Variants in CCDC91 observed in about 807,000 individuals in gnomAD.
The protein encoded by CCDC91 is coiled-coil domain containing 91.
A neutral mutation model predicts 63.2 loss-of-function variants in CCDC91; 48 were observed. That is an observed-to-expected ratio of 0.76 (90% CI 0.60 to 0.97). The LOEUF (loss-of-function observed/expected upper bound fraction) is 0.97, where lower values mean the gene tolerates loss of function less well. Among genes scored for constraint, CCDC91 ranks in the 50% least tolerant of loss-of-function variants. CCDC91 has a pLI of 0.00. For synonymous variants in CCDC91, 167 were observed against 165.8 expected, an observed-to-expected ratio of 1.01 and a Z score of -0.06; for missense variants, 500 against 494.6, an observed-to-expected ratio of 1.01 and a Z score of -0.10.
At chr12:28,201,039 C>T (rs1376456325) in intron 1 of CCDC91, among the ~76,000 whole-genome samples, 2 of 145,252 alleles carry the variant, frequency 1.4e-5, no homozygotes, top group African/African-American at 5.1e-5. Flanking sequence ...GGGCGGCTGG[C>T]CGGGCAGAGG....
chr12:28,273,684 G>A (rs1165559965), intron 3 of CCDC91, among the ~76,000 whole-genome samples: 5 of 152,016 alleles, frequency 3.3e-5, no homozygotes, highest in African/African-American at 1.2e-4. Context: ...TTTTGATGGG[G>A]TTGTTTGTTT....
At chr12:28,450,575 A>G (rs1457285020) in intron 10 of CCDC91, among the ~76,000 whole-genome samples, 157 bp downstream of exon 10, 1 of 151,736 alleles carries the variant, frequency 6.6e-6, no homozygotes, top group African/African-American at 2.4e-5. Context: ...GACTACTTAT[A>G]TTCTTATTAA....
chr12:28,209,224 T>G (rs1943065576), intron 1 of CCDC91, among the ~76,000 whole-genome samples: 1 of 152,204 alleles, frequency 6.6e-6, no homozygotes, highest in Admixed American at 6.5e-5. Flanking sequence ...AACAAATCAA[T>G]TCAATCTTGG....
intron 6 of CCDC91, among the ~76,000 whole-genome samples, chr12:28,311,546 G>A (rs566521408): frequency 1.3e-5 from 2 of 152,034 alleles, no homozygotes; most frequent in Non-Finnish European, 2.9e-5. Context: ...TAAAAATAAA[G>A]GCGAAACTTG....
At chr12:28,419,907 G>A (rs575877633) in intron 8 of CCDC91, among the ~76,000 whole-genome samples, 1 of 151,852 alleles carries the variant, frequency 6.6e-6, no homozygotes, top group South Asian at 2.1e-4. Context: ...CAGGCACATG[G>A]CACCACACCT....
At chr12:28,355,009 T>C (rs1260167381) in intron 6 of CCDC91, among the ~76,000 whole-genome samples, 1 of 151,938 alleles carries the variant, frequency 6.6e-6, no homozygotes, top group Non-Finnish European at 1.5e-5. Flanking sequence ...CCTCTCCTTT[T>C]TTCCTCCTCT....
intron 3 of CCDC91, among the ~76,000 whole-genome samples, chr12:28,299,927 T>C (rs1341542630): frequency 6.6e-6 from 1 of 151,546 alleles, no homozygotes; most frequent in East Asian, 1.9e-4. Flanking sequence ...TACATATTAT[T>C]GTTTTCCCCA....
chr12:28,474,712 T>C (rs1434936224), intron 11 of CCDC91, among the ~76,000 whole-genome samples: 1 of 151,438 alleles, frequency 6.6e-6, no homozygotes, highest in African/African-American at 2.4e-5. Flanking sequence ...ACTCAAAAAG[T>C]AATGCCTGAA....
intron 11 of CCDC91, among the ~76,000 whole-genome samples, chr12:28,482,957 G>A (rs1325255802): frequency 1.3e-5 from 2 of 151,920 alleles, no homozygotes; most frequent in Non-Finnish European, 2.9e-5. Context: ...AATGTCTCCA[G>A]AAAATGTCCA....
chr12:28,484,676 G>A (rs1951626670), intron 12 of CCDC91, among the ~76,000 whole-genome samples: 1 of 151,852 alleles, frequency 6.6e-6, no homozygotes, highest in Non-Finnish European at 1.5e-5. Flanking sequence ...GAAAAAAATA[G>A]CATTTTCATA....
chr12:28,366,805 C>A (rs554278275), intron 7 of CCDC91, among the ~76,000 whole-genome samples: 10 of 152,138 alleles, frequency 6.6e-5, no homozygotes, highest in Admixed American at 6.5e-4. Flanking sequence ...TTGTGGGGAA[C>A]AATAATGTGG....
intron 8 of CCDC91, among the ~76,000 whole-genome samples, chr12:28,410,508 TTTTGTTTG>T (rs148780583): frequency 1.2e-4 from 19 of 152,092 alleles, no homozygotes; most frequent in Admixed American, 3.9e-4. Flanking sequence ...TGTATGTGTT[TTTTGTTTG>T]TTTGTTTGTT....
chr12:28,221,514 A>G (rs1485792375), intron 1 of CCDC91, among the ~76,000 whole-genome samples: 1 of 151,978 alleles, frequency 6.6e-6, no homozygotes, highest in Non-Finnish European at 1.5e-5. Flanking sequence ...ATAGTTTTGT[A>G]TTTTGTTCTG....
intron 3 of CCDC91, among the ~76,000 whole-genome samples, chr12:28,267,908 T>TA (rs1947429346): frequency 3.1e-5 from 3 of 95,792 alleles, no homozygotes; most frequent in South Asian, 2.7e-4. Flanking sequence ...ATAATTATAT[T>TA]ATATATAATT....
At chr12:28,382,003 T>A (rs940547180) in intron 7 of CCDC91, among the ~76,000 whole-genome samples, 12 of 152,096 alleles carry the variant, frequency 7.9e-5, no homozygotes, top group African/African-American at 2.9e-4. Flanking sequence ...TCACCCTTAA[T>A]GTAATCACAT....
At chr12:28,224,312 T>C (rs985913027) in intron 1 of CCDC91, among the ~76,000 whole-genome samples, 22 of 152,214 alleles carry the variant, frequency 1.4e-4, no homozygotes, top group African/African-American at 5.1e-4. Flanking sequence ...ATGTTTCTAC[T>C]GTCATCAACC....
At chr12:28,245,977 C>G (rs566255270) in intron 1 of CCDC91, among the ~76,000 whole-genome samples, 1 of 152,286 alleles carries the variant, frequency 6.6e-6, no homozygotes, top group Non-Finnish European at 1.5e-5. Flanking sequence ...CACAGCATTT[C>G]TGGTCTCAAT....
intron 12 of CCDC91, among the ~76,000 whole-genome samples, chr12:28,516,446 T>TA (rs1295119485): frequency 6.6e-6 from 1 of 151,652 alleles, no homozygotes; most frequent in Non-Finnish European, 1.5e-5. Context: ...CTACAAAAAA[T>TA]ACAAACATTA....
At chr12:28,367,152 T>C (rs1944328546) in intron 7 of CCDC91, among the ~76,000 whole-genome samples, 1 of 152,188 alleles carries the variant, frequency 6.6e-6, no homozygotes, top group South Asian at 2.1e-4. Flanking sequence ...CAGATTCCAG[T>C]TTTAGAATTA....
Sources: allele counts gnomAD v4.1 joint callset (sites outside exome capture counted in the v4.1 genomes callset), GRCh38; gene constraint gnomAD v4.1.1; transcripts MANE v1.5; gene names NCBI Gene and HGNC (gene_info 2026-07-23, HGNC 2026-07-21).